ERI3: variants seen among roughly 807,000 people sequenced by gnomAD.
ERI3 encodes the protein ERI1 exoribonuclease family member 3.
Under a neutral mutation model 44.4 loss-of-function variants are expected in ERI3, and 18 were observed. That is an observed-to-expected ratio of 0.41 (90% confidence interval 0.28 to 0.60). The LOEUF (loss-of-function observed/expected upper bound fraction) is 0.60, where lower values mean the gene tolerates loss of function less well. Ranked by LOEUF, ERI3 falls within the 20% of genes least tolerant of loss-of-function variation. The pLI is 0.36. For missense variants in ERI3, 294 were observed against 435.5 expected, an observed-to-expected ratio of 0.68 and a Z score of 2.89; for synonymous variants, 183 against 164.8, an observed-to-expected ratio of 1.11 and a Z score of -0.84.
At chr1:44,236,520 C>T (rs1218338450) in intron 8 of ERI3, among the ~76,000 whole-genome samples, 2 of 152,084 alleles carry the variant, frequency 1.3e-5, no homozygotes, top group Non-Finnish European at 2.9e-5. Context: ...AAACTTTAAG[C>T]TGAGCTCTGA....
chr1:44,298,336 G>A (rs1645652666), intron 6 of ERI3, among the ~76,000 whole-genome samples: 1 of 152,170 alleles, frequency 6.6e-6, no homozygotes, highest in Non-Finnish European at 1.5e-5. Flanking sequence ...AATAGACAGG[G>A]AAGACCACAT....
intron 7 of ERI3, among the ~76,000 whole-genome samples, chr1:44,268,211 C>T (rs116386171): frequency 3.3e-5 from 5 of 152,252 alleles, no homozygotes; most frequent in Non-Finnish European, 7.4e-5. Flanking sequence ...AGACCAGGAG[C>T]TCTGTACAGG....
rs1572253453 is a variant in ERI3, at chr1:44,313,178, T to C, written c.657A>G (p.Gln219=). 1.2e-6 allele frequency: 2 copies of C among 1,614,106 alleles called. No homozygotes were observed. Among genetic ancestry groups the C allele is most frequent in the Non-Finnish European group, 1.7e-6 (2 of 1,179,968 alleles). Reference sequence around the variant, plus strand: ...AGGTCACTCAACCTACCTCCAGCACTTGCTGCAGGCTTGGCTGACCATCCA... The same window carrying C: ...AGGTCACTCAACCTACCTCCAGCACCTGCTGCAGGCTTGGCTGACCATCCA... The part of the protein sequence containing the change: ...AMVDGQPSLQ[Q]VLERVDEWMA... The change falls in exon 5 of 9, where the codon CAA becomes CAG. Residue 219 remains glutamine, a synonymous_variant. Transcript: ENST00000372257.
In ERI3 at chr1:44,253,457, C is replaced by T. The variant is rs546970816; in HGVS notation, c.832-5419G>A. On this transcript the variant is annotated intron_variant, in intron 7 of 8. Coordinates refer to ENST00000372257, the MANE Select transcript of ERI3 (RefSeq NM_024066.3). Reference sequence around the variant, plus strand: ...CACCTTGCCTTTGAGAATACAGTTCCCTCTCCCTTTCCCAGGGAACCCTTT... The same window carrying T: ...CACCTTGCCTTTGAGAATACAGTTCTCTCTCCCTTTCCCAGGGAACCCTTT... 3.3e-5 allele frequency among the ~76,000 whole-genome samples: 5 copies of T among 152,320 alleles called. No individual in the cohort carries two copies. The South Asian group carries it at 1.0e-3, about 32-fold the overall frequency.
rs532423114 is a variant in ERI3, at chr1:44,235,713, G to A, written c.931+12226C>T. Among the ~76,000 whole-genome samples the A allele has an allele frequency of 3.9e-5, 6 of 152,242 alleles. No individual in the cohort carries two copies. Among genetic ancestry groups the A allele is most frequent in the Admixed American group, 1.3e-4 (2 of 15,292 alleles). ...AGGTTTCAGGCCCTTCCCCACCTCCGTTCCCTTCTAGCATCTTGGTTTCCC... is the reference window on the plus strand; with the variant it reads ...AGGTTTCAGGCCCTTCCCCACCTCCATTCCCTTCTAGCATCTTGGTTTCCC... On this transcript the variant is annotated intron_variant, in intron 8 of 8. Coordinates refer to ENST00000372257, the MANE Select transcript of ERI3 (RefSeq NM_024066.3). This position sits in a 1 kb window ranked among gnomAD's most constrained non-coding sequence, Gnocchi z 4.6.
chr1:44,236,208 G>A (rs894789248), intron 8 of ERI3, among the ~76,000 whole-genome samples: 2 of 152,132 alleles, frequency 1.3e-5, no homozygotes, highest in South Asian at 2.1e-4. Context: ...GTGGGCCAGG[G>A]CCATCTCAAC....
At chr1:44,350,762 G>C (rs1015384673) in intron 2 of ERI3, among the ~76,000 whole-genome samples, 3 of 151,736 alleles carry the variant, frequency 2.0e-5, no homozygotes, top group Non-Finnish European at 4.4e-5. Flanking sequence ...GATCAGTTTT[G>C]TTGTTTTTGG....
chr1:44,346,416 C>T (rs1646784037), intron 2 of ERI3, among the ~76,000 whole-genome samples: 1 of 152,216 alleles, frequency 6.6e-6, no homozygotes, highest in South Asian at 2.1e-4. Context: ...GTTTGCTAAC[C>T]CAGCAGCCAT....
intron 7 of ERI3, among the ~76,000 whole-genome samples, chr1:44,274,891 T>C (rs1645152034): frequency 6.6e-6 from 1 of 152,108 alleles, no homozygotes; most frequent in East Asian, 1.9e-4. Context: ...GTGTGTTTTT[T>C]CCCAAAGACA....
intron 8 of ERI3, chr1:44,243,334 C>G (rs974313646): frequency 6.6e-6 from 1 of 152,234 alleles, no homozygotes; most frequent in African/African-American, 2.4e-5. Flanking sequence ...CAGTTACTCT[C>G]CTAGCCAGCT....
intron 8 of ERI3, chr1:44,242,137 A>T: frequency 1.0e-6 from 1 of 985,608 alleles, no homozygotes. Flanking sequence ...CTAGCTTCTC[A>T]CTTTCTTAGG....
intron 3 of ERI3, among the ~76,000 whole-genome samples, chr1:44,336,530 A>G (rs890667666): frequency 9.3e-5 from 12 of 128,520 alleles, no homozygotes; most frequent in African/African-American, 3.2e-4. Context: ...ACTCAAATCC[A>G]TCACTATGTC....
chr1:44,221,785 G>A lies in ERI3; in HGVS notation c.932-145C>T. ...AGGGTGGTCCCATCCCCTGGTGGCAGCATTCCTAGCTTCAGGTTGGTCTGG... is the reference window on the plus strand; with the variant it reads ...AGGGTGGTCCCATCCCCTGGTGGCAACATTCCTAGCTTCAGGTTGGTCTGG... On this transcript the variant is annotated intron_variant, in intron 8 of 8. Transcript: ENST00000372257. This position sits in a 1 kb window ranked among gnomAD's most constrained non-coding sequence, Gnocchi z 5.9. 1.5e-6 allele frequency: 1 copy of A among 653,462 alleles called. No individual in the cohort carries two copies. 40.5% of individuals were successfully genotyped at this position (653,462 alleles called of 1,614,324 possible). A position where few individuals can be genotyped will look rare whatever the true frequency, so the allele number is the denominator to read the frequency against.
At chr1:44,342,574 A>G (rs1189921598) in intron 2 of ERI3, among the ~76,000 whole-genome samples, 2 of 151,452 alleles carry the variant, frequency 1.3e-5, no homozygotes, top group African/African-American at 2.4e-5. Flanking sequence ...ATGCATATAT[A>G]TTTTCTAGCT....
chr1:44,290,345 T>C (rs937371717), intron 6 of ERI3, among the ~76,000 whole-genome samples: 14 of 152,172 alleles, frequency 9.2e-5, no homozygotes, highest in Admixed American at 1.3e-4. Context: ...AGTGGGCCAG[T>C]AGAAGCCAAC....
intron 2 of ERI3, among the ~76,000 whole-genome samples, chr1:44,345,559 A>G (rs1387034063): frequency 2.0e-5 from 3 of 152,204 alleles, no homozygotes; most frequent in Admixed American, 6.5e-5. Context: ...TCTGACCTGC[A>G]GTATCACAAG....
chr1:44,319,503 T>C, intron 4 of ERI3, 125 bp downstream of exon 4: 2 of 660,512 alleles, frequency 3.0e-6, no homozygotes, highest in Non-Finnish European at 5.4e-6. Context: ...AACTGCTAGG[T>C]CTAGTGTGCA....
chr1:44,333,226 C>T lies in ERI3; in HGVS notation c.489+5819G>A, dbSNP rs1189089385. 6.6e-5 allele frequency among the ~76,000 whole-genome samples: 10 copies of T among 152,362 alleles called. No homozygotes were observed. The East Asian group carries it at 7.7e-4, about 12-fold the overall frequency. ...GTTATAGTTGCTGTGGGAAGCATAA[C>T]TTTGAATTTCCTGATTTTGGTGCAT... On this transcript the variant is annotated intron_variant, in intron 3 of 8. Transcript: ENST00000372257.
At chr1:44,237,880 C>A (rs956153514) in intron 8 of ERI3, among the ~76,000 whole-genome samples, 1 of 152,154 alleles carries the variant, frequency 6.6e-6, no homozygotes, top group African/African-American at 2.4e-5. Context: ...ATCCCACCCA[C>A]GTGCCTGGCC....
Sources: gnomAD v4.1 joint callset for allele counts (sites outside exome capture counted in the v4.1 genomes callset) on GRCh38, gnomAD v4.1.1 for gene constraint, Gnocchi (gnomAD v3.1) non-coding constraint, MANE v1.5 for transcripts, NCBI Gene and HGNC (gene_info 2026-07-23, HGNC 2026-07-21) for gene names.